DLG1: variants seen among roughly 807,000 people sequenced by gnomAD.
DLG1 encodes the protein disks large homolog 1.
A neutral mutation model predicts 123.4 loss-of-function variants in DLG1; 42 were observed. That is an observed-to-expected ratio of 0.34 (90% CI 0.27 to 0.44). The LOEUF is 0.44. DLG1 is among the 20% of genes least tolerant of loss of function. The probability of loss-of-function intolerance (pLI) is 1.00; values close to 1 mark genes in which losing one functional copy is unlikely to be tolerated. For missense variants in DLG1, 942 were observed against 1,082.6 expected (o/e 0.87, Z 1.82); for synonymous variants, 317 against 356.2 (o/e 0.89, Z 1.24).
rs541455105 is a variant in DLG1 at position 197,175,507 on chromosome 3, C to T, written c.483+18918G>A. Among the ~76,000 whole-genome samples the T allele has an allele frequency of 2.3e-4, 35 of 152,284 alleles. 1 individual carries two copies. In the East Asian group the frequency reaches 5.0e-3, roughly 22 times the overall value. On this transcript the variant is annotated intron_variant, in intron 5 of 24. Coordinates refer to ENST00000667157, the MANE Select transcript of DLG1 (RefSeq NM_001366207.1). ...TACAAAATCTGGTAACATAGACTTG[C>T]TAGTTTTTAAGCCATAGTGTTACAT...
At chr3:197,176,266 C>T (rs530982550) in intron 5 of DLG1, among the ~76,000 whole-genome samples, 2 of 152,184 alleles carry the variant, frequency 1.3e-5, no homozygotes, top group South Asian at 2.1e-4. Flanking sequence ...CCATAATCAA[C>T]ACCCCTGCAT....
intron 4 of DLG1, among the ~76,000 whole-genome samples, chr3:197,200,873 A>G (rs1725282939): frequency 6.6e-6 from 1 of 152,222 alleles, no homozygotes; most frequent in Admixed American, 6.5e-5. Context: ...CCCACAGTCA[A>G]CATTATAGTT....
At position 197,225,921 on chromosome 3, in the gene DLG1, G is replaced by A. The variant is rs185505314; in HGVS notation, c.319-31332C>T. 1.0e-4 allele frequency: 16 copies of A among 152,628 alleles called. 1 individual carries two copies. Among genetic ancestry groups the A allele is most frequent in the Admixed American group, 3.3e-4 (5 of 15,286 alleles). 9.5% of individuals were successfully genotyped at this position (152,628 alleles called of 1,614,324 possible). A position where few individuals can be genotyped will look rare whatever the true frequency, so the allele number is the denominator to read the frequency against. ...TGCTACTTTACAGTGGCATAACATC[G>A]GAGAAAAGCAATCCAAGTTTTTGAT... is the stretch of plus-strand genomic sequence containing the variant. On this transcript the variant is annotated intron_variant, in intron 4 of 24. Coordinates refer to ENST00000667157, the MANE Select transcript of DLG1 (RefSeq NM_001366207.1).
chr3:197,171,344 T>C (rs1804098513), intron 5 of DLG1, among the ~76,000 whole-genome samples: 1 of 152,186 alleles, frequency 6.6e-6, no homozygotes, highest in Non-Finnish European at 1.5e-5. Context: ...GTCCTGTCAC[T>C]GCAAACAGGT....
At chr3:197,096,185 T>G (rs1380914065) in intron 14 of DLG1, among the ~76,000 whole-genome samples, 1 of 152,226 alleles carries the variant, frequency 6.6e-6, no homozygotes, top group African/African-American at 2.4e-5. Context: ...TCTGTATCAA[T>G]GGAAAACCAT....
At chr3:197,085,843 GTAAT>G (rs201248206) in intron 15 of DLG1, 87 bp from the exon 16 acceptor site, 1 of 1,279,418 alleles carries the variant, frequency 7.8e-7, no homozygotes, top group Non-Finnish European at 1.1e-6. Context: ...TGTAATTTGG[GTAAT>G]TAAATATATC....
At chr3:197,166,335 C>T (rs548882798) in intron 5 of DLG1, among the ~76,000 whole-genome samples, 49 of 151,926 alleles carry the variant, frequency 3.2e-4, no homozygotes, top group Non-Finnish European at 6.2e-4. Flanking sequence ...GGTTTCCTTG[C>T]GTCAGAAAAG....
intron 4 of DLG1, among the ~76,000 whole-genome samples, chr3:197,267,843 TTC>T (rs1481982516): frequency 6.6e-6 from 1 of 152,228 alleles, no homozygotes; most frequent in African/African-American, 2.4e-5. Context: ...AAGTACTTTT[TTC>T]TGTTTGTCTG....
chr3:197,125,424 A>G (rs1013663121), intron 11 of DLG1, among the ~76,000 whole-genome samples: 1 of 152,202 alleles, frequency 6.6e-6, no homozygotes, highest in African/African-American at 2.4e-5. Context: ...AGAAGGGGGC[A>G]AAGGACTTGA....
chr3:197,188,305 A>C (rs1311072163), intron 5 of DLG1, among the ~76,000 whole-genome samples: 1 of 152,186 alleles, frequency 6.6e-6, no homozygotes, highest in Admixed American at 6.5e-5. Context: ...CACTTTATGC[A>C]AATGTCAACT....
chr3:197,089,090 G>C (rs1756148000), intron 15 of DLG1, among the ~76,000 whole-genome samples: 1 of 152,218 alleles, frequency 6.6e-6, no homozygotes, highest in South Asian at 2.1e-4. Context: ...TAGAAATATA[G>C]AGGCGAAGGC....
At chr3:197,296,515 T>C (rs1579607068) in intron 2 of DLG1, 38 bp from the exon 3 acceptor site, 1 of 1,600,404 alleles carries the variant, frequency 6.2e-7, no homozygotes, top group Non-Finnish European at 8.5e-7. Flanking sequence ...AAACTCTCTA[T>C]TTACAAAAAA....
chr3:197,252,001 G>A (rs1754668519), intron 4 of DLG1, among the ~76,000 whole-genome samples: 1 of 152,052 alleles, frequency 6.6e-6, no homozygotes, highest in East Asian at 1.9e-4. Context: ...GTAGGTTCCT[G>A]GCTGTACAGA....
chr3:197,084,989 G>A (rs1270799700), intron 16 of DLG1, among the ~76,000 whole-genome samples: 4 of 151,194 alleles, frequency 2.6e-5, no homozygotes, highest in Non-Finnish European at 4.4e-5. Context: ...CTTTCACCAC[G>A]TTGGCCAGGC....
Position 197,131,750 on chromosome 3 carries a change from C to A in DLG1, c.1021-1079G>T, listed in dbSNP as rs575831901. On this transcript the variant is annotated intron_variant, in intron 10 of 24. Transcript: ENST00000667157. ...CTGGGACTACAGGCGCCCGCCACTA[C>A]GCCCGGCTAATTTTTTGTATTTTTA... is the stretch of plus-strand genomic sequence containing the variant. Among the ~76,000 whole-genome samples the A allele has an allele frequency of 6.0e-5, 9 of 150,654 alleles. No homozygotes were observed. In the South Asian group the frequency reaches 1.7e-3, roughly 28 times the overall value.
At chr3:197,231,259 A>G (rs183290589) in intron 4 of DLG1, among the ~76,000 whole-genome samples, 5 of 152,338 alleles carry the variant, frequency 3.3e-5, no homozygotes, top group Admixed American at 3.3e-4. Context: ...AAACGGCAGG[A>G]ATTAAGCAGT....
At chr3:197,261,192 A>T (rs1315196654) in intron 4 of DLG1, among the ~76,000 whole-genome samples, 11 of 152,212 alleles carry the variant, frequency 7.2e-5, no homozygotes, top group African/African-American at 2.7e-4. Flanking sequence ...CTGGAGCTAG[A>T]TAGGCTAACA....
intron 18 of DLG1, among the ~76,000 whole-genome samples, chr3:197,074,627 A>G (rs1190983693): frequency 6.6e-6 from 1 of 152,102 alleles, no homozygotes; most frequent in African/African-American, 2.4e-5. Flanking sequence ...AGAGGTTTTC[A>G]TTGATAATTT....
At chr3:197,115,673 C>A (rs1045795332) in intron 13 of DLG1, among the ~76,000 whole-genome samples, 12 of 152,090 alleles carry the variant, frequency 7.9e-5, no homozygotes, top group African/African-American at 2.7e-4. Context: ...AGACACATAG[C>A]AAACTTTCCA....
Sources: gnomAD v4.1 joint callset for allele counts (sites outside exome capture counted in the v4.1 genomes callset) on GRCh38, gnomAD v4.1.1 for gene constraint, MANE v1.5 for transcripts, NCBI Gene and HGNC (gene_info 2026-07-23, HGNC 2026-07-21) for gene names.